Variants in ELMO1 observed in about 807,000 individuals in gnomAD.
The protein encoded by ELMO1 is engulfment and cell motility protein 1.
In ELMO1, 26 loss-of-function variants were observed where a neutral mutation model predicts 98.9. The ratio of observed to expected loss-of-function variants is 0.26; its 90% CI spans 0.19 to 0.36. The LOEUF (loss-of-function observed/expected upper bound fraction) is 0.36. Ranked by LOEUF, ELMO1 falls within the 10% of genes least tolerant of loss-of-function variation. ELMO1 has a pLI of 1.00. For missense variants in ELMO1, 627 were observed against 935.2 expected (o/e 0.67, Z 4.30); for synonymous variants, 346 against 346.0 (o/e 1.00, Z 0.00).
chr7:36,997,402 T>G (rs749369120), intron 16 of ELMO1, among the ~76,000 whole-genome samples: 1 of 152,198 alleles, frequency 6.6e-6, no homozygotes, highest in Non-Finnish European at 1.5e-5. Context: ...GGGGCTGAGA[T>G]AATGGTGCAG....
At chr7:37,239,882 G>A (rs985400728) in intron 7 of ELMO1, among the ~76,000 whole-genome samples, 1 of 152,180 alleles carries the variant, frequency 6.6e-6, no homozygotes, top group African/African-American at 2.4e-5. Context: ...TGGAACATGT[G>A]ATAACTGAAA....
intron 1 of ELMO1, among the ~76,000 whole-genome samples, chr7:37,421,076 G>A (rs1804452206): frequency 6.6e-6 from 1 of 152,234 alleles, no homozygotes; most frequent in Admixed American, 6.5e-5. Context: ...ACTCTGAGCA[G>A]TACAGACTAA....
chr7:37,181,760 C>T (rs1162379475), intron 13 of ELMO1, among the ~76,000 whole-genome samples: 1 of 152,164 alleles, frequency 6.6e-6, no homozygotes, highest in Non-Finnish European at 1.5e-5. Flanking sequence ...GGTTTGATTG[C>T]AGGTCAGCTG....
intron 13 of ELMO1, among the ~76,000 whole-genome samples, chr7:37,164,658 C>T (rs1789510618): frequency 6.6e-6 from 1 of 151,526 alleles, no homozygotes; most frequent in Admixed American, 6.6e-5. Context: ...AGATATGTGG[C>T]ATTATTTCTG....
At chr7:37,200,202 C>A (rs1584799134) in intron 13 of ELMO1, among the ~76,000 whole-genome samples, 3 of 151,696 alleles carry the variant, frequency 2.0e-5, no homozygotes, top group Admixed American at 2.0e-4. Flanking sequence ...GCCTCCCAAG[C>A]AGCTGGGACT....
intron 16 of ELMO1, among the ~76,000 whole-genome samples, chr7:36,981,400 T>C (rs1375842171): frequency 2.6e-5 from 4 of 152,006 alleles, no homozygotes; most frequent in East Asian, 1.9e-4. Context: ...TATAGGATAA[T>C]ATCTGGTATT....
At chr7:37,193,006 T>C (rs1459204769) in intron 13 of ELMO1, among the ~76,000 whole-genome samples, 328 of 81,992 alleles carry the variant, frequency 4.0e-3, no homozygotes, top group Middle Eastern at 0.014. Context: ...TATATATATA[T>C]ATACACACAC....
intron 13 of ELMO1, among the ~76,000 whole-genome samples, chr7:37,141,116 A>G (rs1025796981): frequency 2.0e-5 from 3 of 152,234 alleles, no homozygotes; most frequent in Non-Finnish European, 4.4e-5. Flanking sequence ...CAACTGCAAA[A>G]ATATGGAACC....
At chr7:37,185,231 C>T (rs1019039960) in intron 13 of ELMO1, among the ~76,000 whole-genome samples, 7 of 152,194 alleles carry the variant, frequency 4.6e-5, no homozygotes, top group Non-Finnish European at 2.9e-5. Context: ...AAATTAGAAA[C>T]TGCTTCTATG....
chr7:37,144,561 A>T (rs1393677972), intron 13 of ELMO1, among the ~76,000 whole-genome samples: 2 of 152,164 alleles, frequency 1.3e-5, no homozygotes, highest in East Asian at 3.8e-4. Flanking sequence ...AAATGGCTTG[A>T]AATTTTCCCT....
intron 4 of ELMO1, among the ~76,000 whole-genome samples, chr7:37,285,262 G>A (rs1797334480): frequency 6.6e-6 from 1 of 152,174 alleles, no homozygotes. Flanking sequence ...CTTCTTTTCT[G>A]CAACAGCTTC....
intron 15 of ELMO1, among the ~76,000 whole-genome samples, chr7:37,059,682 C>T (rs930000592): frequency 2.6e-5 from 4 of 152,176 alleles, no homozygotes. Flanking sequence ...CCAGACAGTA[C>T]AGCTGAATTC....
chr7:36,985,856 A>C (rs1424105398), intron 16 of ELMO1: 1 of 977,650 alleles, frequency 1.0e-6, no homozygotes, highest in Non-Finnish European at 1.2e-6. Context: ...AGACAATAGG[A>C]CAAAGCTACA....
intron 13 of ELMO1, among the ~76,000 whole-genome samples, chr7:37,203,546 T>C (rs1386439939): frequency 6.6e-6 from 1 of 152,184 alleles, no homozygotes; most frequent in Non-Finnish European, 1.5e-5. Context: ...AAAAATTACA[T>C]CTTTCTGATT....
intron 14 of ELMO1, among the ~76,000 whole-genome samples, chr7:37,124,265 G>C (rs112866424): frequency 0.029 from 4,468 of 152,246 alleles, 171 homozygotes; most frequent in African/African-American, 0.09. Flanking sequence ...ATTCAACATA[G>C]TGTTGGAAGT....
chr7:36,940,537 G>A (rs754032407), intron 16 of ELMO1, among the ~76,000 whole-genome samples: 4 of 152,154 alleles, frequency 2.6e-5, no homozygotes, highest in Non-Finnish European at 5.9e-5. Flanking sequence ...TCTGATACTG[G>A]GCAAGATACT....
chr7:37,073,112 C>T (rs750769582), intron 15 of ELMO1, among the ~76,000 whole-genome samples: 9 of 152,222 alleles, frequency 5.9e-5, no homozygotes, highest in East Asian at 3.9e-4. Flanking sequence ...GAATCCTTTG[C>T]GTTAATTCTG....
At chr7:37,203,424 C>T (rs1023286757) in intron 13 of ELMO1, among the ~76,000 whole-genome samples, 4 of 152,166 alleles carry the variant, frequency 2.6e-5, no homozygotes, top group Non-Finnish European at 5.9e-5. Flanking sequence ...AGGAAGGATA[C>T]AATTTCTGAG....
At chr7:37,123,126 A>G (rs539102088) in intron 14 of ELMO1, among the ~76,000 whole-genome samples, 1 of 152,244 alleles carries the variant, frequency 6.6e-6, no homozygotes, top group South Asian at 2.1e-4. Context: ...TCTGGGACAC[A>G]TTTAAAGCAG....
Sources: allele counts gnomAD v4.1 joint callset (sites outside exome capture counted in the v4.1 genomes callset), GRCh38; gene constraint gnomAD v4.1.1; transcripts MANE v1.5; gene names NCBI Gene and HGNC (gene_info 2026-07-23, HGNC 2026-07-21).